Variants in WDR7 observed in about 807,000 individuals in gnomAD.
The protein encoded by WDR7 is WD repeat-containing protein 7.
A neutral mutation model predicts 169.4 loss-of-function variants in WDR7; 46 were observed. That is an observed-to-expected ratio of 0.27 (90% CI 0.21 to 0.35). WDR7 has a LOEUF of 0.35. WDR7 is among the 10% of genes least tolerant of loss of function. The pLI, the probability that WDR7 is intolerant of heterozygous loss-of-function variation, is 1.00. For synonymous variants in WDR7, 612 were observed against 666.8 expected (o/e 0.92, Z 1.27); for missense variants, 1,534 against 1,859.3 (o/e 0.83, Z 3.22).
rs182925862 is a variant in WDR7 at position 56,704,866 on chromosome 18, T to C, written c.1578+8404T>C. Among the ~76,000 whole-genome samples the C allele has an allele frequency of 7.9e-5, 12 of 152,368 alleles. No homozygotes were observed. The East Asian group carries it at 2.3e-3, about 29-fold the overall frequency. ...GTCAGAAGTGATTTCATGCTAAACC[T>C]AGTGAATGAAGTAGCTGATTAAATT... On this transcript the variant is annotated intron_variant, in intron 12 of 27. Coordinates refer to ENST00000254442, the MANE Select transcript of WDR7 (RefSeq NM_015285.3).
intron 14 of WDR7, among the ~76,000 whole-genome samples, chr18:56,733,277 T>A (rs1232324729): frequency 2.6e-5 from 4 of 152,120 alleles, no homozygotes; most frequent in Admixed American, 6.5e-5. Flanking sequence ...GATAATCACT[T>A]TATAAAAAAT....
At chr18:56,765,866 TG>T (rs1214668755) in intron 16 of WDR7, among the ~76,000 whole-genome samples, 1 of 152,206 alleles carries the variant, frequency 6.6e-6, no homozygotes, top group Non-Finnish European at 1.5e-5. Context: ...CGTGCAGGTT[TG>T]CTACATGGAT....
At chr18:56,990,843 T>TA (rs2047802151) in intron 26 of WDR7, among the ~76,000 whole-genome samples, 1 of 152,234 alleles carries the variant, frequency 6.6e-6, no homozygotes, top group African/African-American at 2.4e-5. Context: ...TTGTTGTTGT[T>TA]ATTTCAATCT....
chr18:56,870,328 G>A (rs1413482862), intron 20 of WDR7, among the ~76,000 whole-genome samples: 1 of 151,976 alleles, frequency 6.6e-6, no homozygotes, highest in African/African-American at 2.4e-5. Flanking sequence ...TAACAAGTAG[G>A]TATGGAAAAT....
intron 22 of WDR7, among the ~76,000 whole-genome samples, chr18:56,927,568 C>T (rs776468647): frequency 8.6e-5 from 13 of 151,998 alleles, no homozygotes; most frequent in Non-Finnish European, 1.6e-4. Context: ...GAGCCATGAT[C>T]GAACCACTGC....
chr18:57,018,783 T>C (rs1019367595), intron 26 of WDR7, among the ~76,000 whole-genome samples: 3 of 152,198 alleles, frequency 2.0e-5, no homozygotes, highest in Non-Finnish European at 2.9e-5. Context: ...ATTGGCCCAA[T>C]AGAATTTCAG....
chr18:57,017,477 CTGTGTGTGTGTGTGTGTG>C (rs57440164), intron 26 of WDR7, among the ~76,000 whole-genome samples: 64 of 134,726 alleles, frequency 4.8e-4, no homozygotes, highest in East Asian at 9.6e-4. Context: ...CCAAGTCATG[CTGTGTGTGTGTGTGTGTG>C]TGTGTGTGTG....
intron 21 of WDR7, among the ~76,000 whole-genome samples, chr18:56,892,838 C>T (rs1201720286): frequency 6.6e-6 from 1 of 151,946 alleles, no homozygotes; most frequent in East Asian, 1.9e-4. Context: ...GTGGTAGTAA[C>T]ATTTAGATAG....
chr18:56,870,418 T>G (rs1349698656), intron 20 of WDR7, among the ~76,000 whole-genome samples: 1 of 151,492 alleles, frequency 6.6e-6, no homozygotes, highest in Middle Eastern at 3.2e-3. Context: ...CTCATTATAA[T>G]TCTAAAACAT....
Position 57,027,180 on chromosome 18 carries a change from C to T in WDR7, c.4446C>T (p.Asp1482=), listed in dbSNP as rs142769689. ...GCAACGTCATCCTCATGGCCCATGA[C>T]GGGAAGGAGCACCGCTTCATGGTCT... The part of the protein sequence containing the change: ...SNRNVILMAH[D]GKEHRFMV Residue 1482 remains aspartate (D), a synonymous_variant, in exon 28 of 28, where the codon GAC becomes GAT. Transcript: ENST00000254442. 792 of 1,613,788 alleles carry T rather than the reference C, an allele frequency of 4.9e-4. No individual in the cohort carries two copies. Among genetic ancestry groups the T allele is most frequent in the Middle Eastern group, 1.8e-3 (11 of 6,084 alleles).
intron 20 of WDR7, among the ~76,000 whole-genome samples, chr18:56,876,748 C>A (rs1047060638): frequency 6.6e-6 from 1 of 152,018 alleles, no homozygotes; most frequent in African/African-American, 2.4e-5. Context: ...TAAGTGAGTT[C>A]TATTCAACAC....
Position 56,781,546 on chromosome 18 carries a change from C to T in WDR7, c.3080C>T (p.Ala1027Val), listed in dbSNP as rs1447393365. ...QDRCLEVREAAQALLLAELRR... is the reference protein window; with the variant it reads ...QDRCLEVREAVQALLLAELRR... ...CTGTGGTCTTAGGTGAGAGAAGCCG[C>T]GCAGGCCCTGCTTCTGGCGGAACTG... The change falls in exon 19 of 28, where the codon GCG becomes GTG. Residue 1027 changes from alanine (A) to valine (V), a missense_variant. Physicochemically the swap from Ala to Val is moderately conservative, Grantham distance 64 (BLOSUM62 0). Coordinates refer to ENST00000254442, the MANE Select transcript of WDR7 (RefSeq NM_015285.3). 6 of 1,608,758 alleles carry T rather than the reference C, an allele frequency of 3.7e-6. No individual in the cohort carries two copies. The highest frequency in any genetic ancestry group is 1.3e-5 in the African/African-American group (1 of 74,680).
At chr18:56,985,664 T>C (rs535789892) in intron 26 of WDR7, among the ~76,000 whole-genome samples, 1 of 152,082 alleles carries the variant, frequency 6.6e-6, no homozygotes, top group Non-Finnish European at 1.5e-5. Flanking sequence ...GAGCATGTAT[T>C]TTTGTTTTAT....
At chr18:56,922,205 G>A (rs1243292477) in intron 21 of WDR7, among the ~76,000 whole-genome samples, 1 of 152,150 alleles carries the variant, frequency 6.6e-6, no homozygotes, top group African/African-American at 2.4e-5. Context: ...GGGGCAGGGA[G>A]CTGTATTAGA....
intron 20 of WDR7, among the ~76,000 whole-genome samples, chr18:56,863,983 A>G (rs1599110880): frequency 6.6e-6 from 1 of 151,916 alleles, no homozygotes; most frequent in East Asian, 1.9e-4. Flanking sequence ...TTGGTTTTAT[A>G]TAATGTTATC....
intron 22 of WDR7, among the ~76,000 whole-genome samples, chr18:56,934,390 G>A (rs922016187): frequency 1.3e-5 from 2 of 151,778 alleles, no homozygotes; most frequent in African/African-American, 4.8e-5. Context: ...CAAGAGCATC[G>A]GGCTCTTCCA....
chr18:56,833,767 T>A (rs1052535376), intron 20 of WDR7, among the ~76,000 whole-genome samples: 11 of 152,298 alleles, frequency 7.2e-5, no homozygotes, highest in African/African-American at 2.4e-4. Flanking sequence ...TAGACCAATC[T>A]TTCCCGTCTC....
At chr18:56,656,009 T>C (rs2024760195) in intron 1 of WDR7, among the ~76,000 whole-genome samples, 1 of 152,222 alleles carries the variant, frequency 6.6e-6, no homozygotes, top group South Asian at 2.1e-4. Context: ...CTGGGCTGTT[T>C]TTAATTTTTG....
chr18:57,010,920 T>C (rs1488983164), intron 26 of WDR7, among the ~76,000 whole-genome samples: 1 of 152,208 alleles, frequency 6.6e-6, no homozygotes, highest in East Asian at 1.9e-4. Flanking sequence ...TTTTTAGAGT[T>C]TGCTGTATGA....
Sources: allele counts gnomAD v4.1 joint callset (sites outside exome capture counted in the v4.1 genomes callset), GRCh38; gene constraint gnomAD v4.1.1; transcripts MANE v1.5; gene names NCBI Gene and HGNC (gene_info 2026-07-23, HGNC 2026-07-21).